Variants in RERG observed in about 807,000 individuals in gnomAD.
RERG encodes RAS like estrogen regulated growth inhibitor.
RERG carries 25 observed loss-of-function variants against 23.2 expected under a neutral mutation model. The observed-to-expected ratio is 1.08, with a 90% CI of 0.79 to 1.50. The LOEUF (loss-of-function observed/expected upper bound fraction) is 1.50, where lower values mean the gene tolerates loss of function less well. RERG is among the 40% of genes most tolerant of loss of function. The pLI is 0.00. For missense variants in RERG, 253 were observed against 250.1 expected, an observed-to-expected ratio of 1.01 and a Z score of -0.08; for synonymous variants, 81 against 89.1, an observed-to-expected ratio of 0.91 and a Z score of 0.51.
Position 15,214,326 on chromosome 12 carries a change from G to A in RERG, c.61+3103C>T, listed in dbSNP as rs371059902. 6.6e-5 allele frequency among the ~76,000 whole-genome samples: 10 copies of A among 152,112 alleles called. No individual in the cohort carries two copies. In the East Asian group the frequency reaches 1.5e-3, roughly 24 times the overall value. On this transcript the variant is annotated intron_variant, in intron 2 of 4. Transcript: ENST00000256953. ...TTAAGTAACTTGCCAAAGTTGCCAA[G>A]TTCACAGGGCAAACAAAAGCTCACA...
intron 4 of RERG, among the ~76,000 whole-genome samples, chr12:15,110,455 A>ATT (rs1257915419): frequency 6.7e-5 from 4 of 59,318 alleles, no homozygotes; most frequent in Non-Finnish European, 1.1e-4. Flanking sequence ...TCCAGTGGCC[A>ATT]TTTTTTTCTT....
At chr12:15,143,623 CT>C (rs1230435758) in intron 2 of RERG, among the ~76,000 whole-genome samples, 1 of 152,154 alleles carries the variant, frequency 6.6e-6, no homozygotes, top group Non-Finnish European at 1.5e-5. Flanking sequence ...ATGTGGCAGG[CT>C]CCTGTAGGTC....
intron 2 of RERG, among the ~76,000 whole-genome samples, chr12:15,184,646 G>A (rs903818378): frequency 9.2e-5 from 14 of 152,098 alleles, no homozygotes; most frequent in Non-Finnish European, 5.9e-5. Context: ...ATTTAATAGC[G>A]TCCGATGACA....
intron 2 of RERG, chr12:15,152,098 A>G (rs1417045560): frequency 6.6e-6 from 1 of 152,210 alleles, no homozygotes; most frequent in Non-Finnish European, 1.5e-5. Context: ...TTGCACTTAA[A>G]GTACCATTGC....
intron 2 of RERG, among the ~76,000 whole-genome samples, chr12:15,198,852 T>C (rs1183386415): frequency 6.6e-6 from 1 of 152,218 alleles, no homozygotes; most frequent in African/African-American, 2.4e-5. Context: ...GACCTCAGCC[T>C]GGGAAGGTTC....
chr12:15,204,553 T>A (rs778986402), intron 2 of RERG, among the ~76,000 whole-genome samples: 1 of 151,754 alleles, frequency 6.6e-6, no homozygotes, highest in African/African-American at 2.4e-5. Flanking sequence ...TGAATTGCTA[T>A]GAAGATAATA....
chr12:15,201,654 A>T (rs1360492413), intron 2 of RERG, among the ~76,000 whole-genome samples: 1 of 149,284 alleles, frequency 6.7e-6, no homozygotes, highest in Non-Finnish European at 1.5e-5. Context: ...TATAGTAATA[A>T]TTATTAGTAA....
chr12:15,162,089 AAAAATGAGACTACTGCCTTAATC>A (rs1487456067), intron 2 of RERG, among the ~76,000 whole-genome samples: 2 of 152,246 alleles, frequency 1.3e-5, no homozygotes, highest in African/African-American at 4.8e-5. Flanking sequence ...GAAAGACTTG[AAAAATGAGACTACTGCCTTAATC>A]AAAATGAATC....
intron 2 of RERG, among the ~76,000 whole-genome samples, chr12:15,140,083 G>T (rs1478596083): frequency 6.6e-6 from 1 of 152,068 alleles, no homozygotes; most frequent in Non-Finnish European, 1.5e-5. Flanking sequence ...TTTTTTAAAA[G>T]GTGTTATGAA....
chr12:15,139,633 T>G (rs1009107816), intron 2 of RERG, among the ~76,000 whole-genome samples: 3 of 152,206 alleles, frequency 2.0e-5, no homozygotes, highest in Admixed American at 2.0e-4. Flanking sequence ...TGCTAGTATA[T>G]AGAAAAGCAA....
chr12:15,148,816 T>C (rs1225932883), intron 2 of RERG, among the ~76,000 whole-genome samples: 1 of 150,742 alleles, frequency 6.6e-6, no homozygotes, highest in Non-Finnish European at 1.5e-5. Flanking sequence ...GGCAATAGTT[T>C]CATTAAATTC....
At chr12:15,202,708 A>C (rs1865234267) in intron 2 of RERG, among the ~76,000 whole-genome samples, 1 of 151,712 alleles carries the variant, frequency 6.6e-6, no homozygotes, top group Non-Finnish European at 1.5e-5. Context: ...CAGTAGGGAC[A>C]TGTGAATCAT....
At chr12:15,162,914 T>C (rs906663231) in intron 2 of RERG, among the ~76,000 whole-genome samples, 1 of 152,176 alleles carries the variant, frequency 6.6e-6, no homozygotes, top group Non-Finnish European at 1.5e-5. Context: ...TAACATACGT[T>C]TATATTATGA....
At chr12:15,181,910 A>G (rs1468909513) in intron 2 of RERG, among the ~76,000 whole-genome samples, 2 of 152,124 alleles carry the variant, frequency 1.3e-5, no homozygotes, top group African/African-American at 4.8e-5. Context: ...ACTCTGGGAG[A>G]ATGTCATTAC....
intron 2 of RERG, among the ~76,000 whole-genome samples, chr12:15,203,405 A>G (rs554656902): frequency 5.4e-4 from 82 of 151,710 alleles, no homozygotes; most frequent in African/African-American, 2.0e-3. Flanking sequence ...TCAACAAACT[A>G]GGTATAGAAG....
chr12:15,140,591 C>T (rs946955542), intron 2 of RERG, among the ~76,000 whole-genome samples: 4 of 151,828 alleles, frequency 2.6e-5, no homozygotes, highest in African/African-American at 7.3e-5. Flanking sequence ...TAGGGCAGCT[C>T]TGCTACCGAT....
intron 1 of RERG, among the ~76,000 whole-genome samples, chr12:15,218,974 C>T (rs1013158724): frequency 6.6e-6 from 1 of 152,102 alleles, no homozygotes; most frequent in Non-Finnish European, 1.5e-5. Context: ...TTAATCTGCC[C>T]ACCATGGTTA....
At chr12:15,111,834 C>G (rs997557818) in intron 3 of RERG, among the ~76,000 whole-genome samples, 5 of 152,012 alleles carry the variant, frequency 3.3e-5, no homozygotes, top group Non-Finnish European at 7.4e-5. Context: ...TTCCACAACA[C>G]CCAGCTAATT....
chr12:15,189,455 G>A (rs1263568461), intron 2 of RERG, among the ~76,000 whole-genome samples: 1 of 152,056 alleles, frequency 6.6e-6, no homozygotes, highest in Non-Finnish European at 1.5e-5. Context: ...TTGCTTAAAT[G>A]CAATCTTCTC....
Sources: allele counts gnomAD v4.1 joint callset (sites outside exome capture counted in the v4.1 genomes callset), GRCh38; gene constraint gnomAD v4.1.1; transcripts MANE v1.5; gene names NCBI Gene and HGNC (gene_info 2026-07-23, HGNC 2026-07-21).